TAFA1: variants seen among roughly 807,000 people sequenced by gnomAD.
TAFA1 encodes the protein TAFA chemokine like family member 1, also known as chemokine-like protein TAFA-1.
TAFA1 carries 4 observed loss-of-function variants against 18.5 expected under a neutral mutation model. The ratio of observed to expected loss-of-function variants is 0.22; its 90% CI spans 0.11 to 0.49. The LOEUF (loss-of-function observed/expected upper bound fraction) is 0.49, where lower values mean the gene tolerates loss of function less well. TAFA1 is among the 20% of genes least tolerant of loss of function. The pLI, the probability that TAFA1 is intolerant of heterozygous loss-of-function variation, is 0.98. For missense variants in TAFA1, 147 were observed against 169.0 expected (o/e 0.87, Z 0.72); for synonymous variants, 56 against 55.2 (o/e 1.01, Z -0.06).
intron 2 of TAFA1, among the ~76,000 whole-genome samples, chr3:68,230,674 T>A (rs2066860885): frequency 6.6e-6 from 1 of 152,210 alleles, no homozygotes; most frequent in Non-Finnish European, 1.5e-5. Context: ...ACTTCTACTT[T>A]TAATTTTTTG....
rs186158590 is a variant in TAFA1, at chr3:68,235,474, T to C, written c.119-181806T>C. Among the ~76,000 whole-genome samples, 85 of 152,338 alleles carry C rather than the reference T, an allele frequency of 5.6e-4. 2 individuals are homozygous for C. The East Asian group carries it at 0.014, about 25-fold the overall frequency. On this transcript the variant is annotated intron_variant, in intron 2 of 4. Transcript: ENST00000478136. ...GAATGATTCTAAGAAATAGGTGGTATTGTGGGGATTAAAAATTGCATTCCA... is the reference window on the plus strand; with the variant it reads ...GAATGATTCTAAGAAATAGGTGGTACTGTGGGGATTAAAAATTGCATTCCA...
At chr3:68,486,224 T>G (rs1041619872) in intron 3 of TAFA1, among the ~76,000 whole-genome samples, 1 of 151,888 alleles carries the variant, frequency 6.6e-6, no homozygotes, top group African/African-American at 2.4e-5. Flanking sequence ...CCTCCCAAAG[T>G]GCTGAGATTA....
At chr3:68,281,071 A>G (rs1478281358) in intron 2 of TAFA1, among the ~76,000 whole-genome samples, 1 of 152,176 alleles carries the variant, frequency 6.6e-6, no homozygotes, top group Non-Finnish European at 1.5e-5. Context: ...TTCTTATGGA[A>G]TAAGAAATCC....
chr3:68,499,550 A>G (rs375641405), intron 3 of TAFA1, among the ~76,000 whole-genome samples: 1 of 151,354 alleles, frequency 6.6e-6, no homozygotes, highest in Non-Finnish European at 1.5e-5. Flanking sequence ...TGAAAAGGTA[A>G]GCTAAAATAC....
intron 2 of TAFA1, among the ~76,000 whole-genome samples, chr3:68,216,888 T>C (rs2066666259): frequency 6.6e-6 from 1 of 152,052 alleles, no homozygotes; most frequent in South Asian, 2.1e-4. Context: ...ACAAAATAAA[T>C]ATCCATTGGC....
At chr3:68,158,113 T>G (rs2065885173) in intron 2 of TAFA1, among the ~76,000 whole-genome samples, 1 of 152,078 alleles carries the variant, frequency 6.6e-6, no homozygotes, top group Non-Finnish European at 1.5e-5. Context: ...TGAGGCCCAA[T>G]CCAATGGCTC....
At chr3:68,021,830 A>G (rs1704697443) in intron 2 of TAFA1, among the ~76,000 whole-genome samples, 2 of 152,270 alleles carry the variant, frequency 1.3e-5, no homozygotes, top group East Asian at 3.9e-4. Flanking sequence ...AGATGATGGT[A>G]AATTTGCAAT....
At chr3:68,383,256 C>G (rs775879025) in intron 2 of TAFA1, among the ~76,000 whole-genome samples, 1 of 96,690 alleles carries the variant, frequency 1.0e-5, no homozygotes, top group Non-Finnish European at 2.1e-5. Context: ...GTATCCTTGT[C>G]TTTTGCGGGT....
At position 68,174,601 on chromosome 3, in the gene TAFA1, G is replaced by C. The variant is rs2066100149; in HGVS notation, c.118+167857G>C. On this transcript the variant is annotated intron_variant, in intron 2 of 4. Transcript: ENST00000478136. ...TTTGTGGAACTTTGAACTTAAGAGA[G>C]ATGATTTAGTGTATCTGGCGGAAGA... 2.6e-5 allele frequency among the ~76,000 whole-genome samples: 4 copies of C among 152,304 alleles called. No homozygotes were observed. The South Asian group carries it at 8.3e-4, about 32-fold the overall frequency.
intron 2 of TAFA1, among the ~76,000 whole-genome samples, chr3:68,093,730 G>A (rs1480580067): frequency 6.6e-6 from 1 of 151,062 alleles, no homozygotes; most frequent in Non-Finnish European, 1.5e-5. Context: ...AATATATCTT[G>A]TGTTTTTATT....
intron 2 of TAFA1, 32 bp from the exon 3 acceptor site, chr3:68,417,248 A>T (rs767767788): frequency 2.6e-5 from 41 of 1,606,894 alleles, no homozygotes; most frequent in Non-Finnish European, 3.4e-5. Flanking sequence ...AGTTATTTCT[A>T]ATCAGTGTCC....
At chr3:68,241,124 G>A (rs1381890453) in intron 2 of TAFA1, among the ~76,000 whole-genome samples, 1 of 152,108 alleles carries the variant, frequency 6.6e-6, no homozygotes, top group Non-Finnish European at 1.5e-5. Flanking sequence ...CAGTGGTTAG[G>A]TCAGTTATCT....
intron 2 of TAFA1, among the ~76,000 whole-genome samples, chr3:68,140,003 C>G (rs1002543155): frequency 6.6e-6 from 1 of 152,146 alleles, no homozygotes; most frequent in Admixed American, 6.6e-5. Flanking sequence ...GAGTGAGACT[C>G]TAAATATGTC....
At chr3:68,083,214 AC>A (rs2064926859) in intron 2 of TAFA1, among the ~76,000 whole-genome samples, 1 of 152,184 alleles carries the variant, frequency 6.6e-6, no homozygotes, top group Admixed American at 6.5e-5. Context: ...GAAACAAAAT[AC>A]ATTCTGGGCA....
intron 2 of TAFA1, among the ~76,000 whole-genome samples, chr3:68,384,467 G>A (rs1420394292): frequency 6.6e-6 from 1 of 152,006 alleles, no homozygotes; most frequent in Non-Finnish European, 1.5e-5. Context: ...AAATGTACTT[G>A]TATGGTTTTG....
At chr3:68,113,907 T>G (rs1435399144) in intron 2 of TAFA1, among the ~76,000 whole-genome samples, 8 of 144,442 alleles carry the variant, frequency 5.5e-5, no homozygotes, top group South Asian at 2.3e-4. Context: ...GTTTTTTTTT[T>G]TTTTTTTTTT....
intron 2 of TAFA1, among the ~76,000 whole-genome samples, chr3:68,239,085 A>G (rs1335105226): frequency 6.6e-6 from 1 of 152,170 alleles, no homozygotes; most frequent in Non-Finnish European, 1.5e-5. Context: ...TTTGAGAAGC[A>G]AAGATTTGAA....
intron 3 of TAFA1, among the ~76,000 whole-genome samples, chr3:68,491,618 C>G (rs1032523677): frequency 1.3e-5 from 2 of 151,698 alleles, no homozygotes; most frequent in Non-Finnish European, 2.9e-5. Flanking sequence ...TGCAGCACAC[C>G]AACATGGCAC....
intron 2 of TAFA1, among the ~76,000 whole-genome samples, chr3:68,165,331 T>G (rs2065971621): frequency 6.6e-6 from 1 of 152,248 alleles, no homozygotes; most frequent in South Asian, 2.1e-4. Context: ...ACACAGATTC[T>G]GTCCCCTCCC....
Sources: gnomAD v4.1 joint callset for allele counts (sites outside exome capture counted in the v4.1 genomes callset) on GRCh38, gnomAD v4.1.1 for gene constraint, MANE v1.5 for transcripts, NCBI Gene and HGNC (gene_info 2026-07-23, HGNC 2026-07-21) for gene names.